Variants in TMEM64 observed in about 807,000 individuals in gnomAD.
TMEM64 encodes the protein transmembrane protein 64.
A neutral mutation model predicts 24.5 loss-of-function variants in TMEM64; 19 were observed. The observed-to-expected ratio is 0.78, with a 90% CI of 0.54 to 1.14. TMEM64 has a LOEUF of 1.14. Ranked by LOEUF, TMEM64 falls within the 50% of genes most tolerant of loss-of-function variation. The probability of loss-of-function intolerance (pLI) is 0.00; values close to 1 mark genes in which losing one functional copy is unlikely to be tolerated. For missense variants in TMEM64, 487 were observed against 493.0 expected (o/e 0.99, Z 0.12); for synonymous variants, 262 against 224.7 (o/e 1.17, Z -1.49).
chr8:90,635,203 A>C (rs1033196072), intron 1 of TMEM64, among the ~76,000 whole-genome samples: 11 of 152,244 alleles, frequency 7.2e-5, no homozygotes, highest in Admixed American at 7.2e-4. Context: ...ATAAAGGATG[A>C]AAATTAGTTG....
intron 1 of TMEM64, among the ~76,000 whole-genome samples, chr8:90,641,898 G>A (rs1001015195): frequency 2.0e-5 from 3 of 152,144 alleles, no homozygotes; most frequent in Non-Finnish European, 4.4e-5. Flanking sequence ...TCACAGCTTT[G>A]CAGCAGGTAT....
intron 2 of TMEM64, among the ~76,000 whole-genome samples, chr8:90,626,629 CTTTT>C (rs34029067): frequency 2.8e-5 from 3 of 105,814 alleles, no homozygotes; most frequent in Non-Finnish European, 3.7e-5. Context: ...TTTTTTCTTT[CTTTT>C]TTTTTTTTTT....
At chr8:90,643,920 T>C (rs534633764) in intron 1 of TMEM64, among the ~76,000 whole-genome samples, 8 of 152,308 alleles carry the variant, frequency 5.3e-5, no homozygotes, top group African/African-American at 1.4e-4. Flanking sequence ...CAAAAGGCAT[T>C]TAAAAGAAAA....
intron 1 of TMEM64, among the ~76,000 whole-genome samples, chr8:90,632,820 G>C (rs1303531842): frequency 1.3e-5 from 2 of 152,024 alleles, no homozygotes; most frequent in Non-Finnish European, 2.9e-5. Context: ...GAAATACCTG[G>C]CATATGAGTG....
chr8:90,625,992 C>A, intron 2 of TMEM64, 130 bp from the exon 3 acceptor site: 2 of 660,948 alleles, frequency 3.0e-6, no homozygotes. Flanking sequence ...AAGGGTTATA[C>A]ATTTTTAAAT....
Position 90,625,786 on chromosome 8 carries a change from C to T in TMEM64, c.1028G>A (p.Cys343Tyr). 1.2e-6 allele frequency: 2 copies of T among 1,613,946 alleles called. No individual in the cohort carries two copies. Among genetic ancestry groups the T allele is most frequent in the Non-Finnish European group, 1.7e-6 (2 of 1,179,932 alleles). Reference sequence around the variant, plus strand: ...CAGAGAAGATTTCAGTTCCATTTCACAAGCTACAATAGCTGCATTCAATTC... The same window carrying T: ...CAGAGAAGATTTCAGTTCCATTTCATAAGCTACAATAGCTGCATTCAATTC... ...QVELNAAIVA[C>Y]EMELKSSLVK... Residue 343 changes from cysteine to tyrosine, a missense_variant, in exon 3 of 3, where the codon TGT becomes TAT. This residue lies in a region of TMEM64 where 58 missense variants were observed against 58.2 expected (regional missense o/e 1.00). Coordinates refer to ENST00000458549, the MANE Select transcript of TMEM64 (RefSeq NM_001008495.4).
intron 1 of TMEM64, among the ~76,000 whole-genome samples, chr8:90,632,670 G>A (rs183819004): frequency 1.7e-4 from 26 of 152,198 alleles, no homozygotes; most frequent in African/African-American, 6.0e-4. Flanking sequence ...TGTTGCCCAG[G>A]TTGCTCTTGA....
chr8:90,628,770 A>G (rs1478246368), intron 2 of TMEM64, among the ~76,000 whole-genome samples: 1 of 152,226 alleles, frequency 6.6e-6, no homozygotes, highest in Non-Finnish European at 1.5e-5. Flanking sequence ...GAAGTTTTTG[A>G]GCACTAACAA....
At position 90,625,665 on chromosome 8, in the gene TMEM64, T is replaced by C; in HGVS notation, c.*6A>G. On this transcript the variant is annotated 3_prime_UTR_variant, in exon 3 of 3. Coordinates refer to ENST00000458549, the MANE Select transcript of TMEM64 (RefSeq NM_001008495.4). Reference sequence around the variant, plus strand: ...AGGCTCTTGACAATCACGTATCTCATTAGAATCATACAACATTGATTCCAC... The same window carrying C: ...AGGCTCTTGACAATCACGTATCTCACTAGAATCATACAACATTGATTCCAC... 6.2e-7 allele frequency: 1 copy of C among 1,612,128 alleles called. No homozygotes were observed. Among genetic ancestry groups the C allele is most frequent in the Non-Finnish European group, 8.5e-7 (1 of 1,178,654 alleles).
intron 1 of TMEM64, among the ~76,000 whole-genome samples, chr8:90,638,360 C>T (rs546178709): frequency 2.0e-4 from 31 of 152,298 alleles, no homozygotes; most frequent in Admixed American, 1.6e-3. Flanking sequence ...CATCCTTCTT[C>T]CCACTCCATT....
intron 2 of TMEM64, among the ~76,000 whole-genome samples, chr8:90,629,342 T>C (rs1213151425): frequency 6.6e-6 from 1 of 152,168 alleles, no homozygotes; most frequent in African/African-American, 2.4e-5. Context: ...AAAAGCATCA[T>C]GAACTTCATT....
At chr8:90,634,152 A>G (rs961630379) in intron 1 of TMEM64, among the ~76,000 whole-genome samples, 2 of 152,206 alleles carry the variant, frequency 1.3e-5, no homozygotes, top group East Asian at 1.9e-4. Flanking sequence ...TATTCAAATT[A>G]AAGGTGAGGA....
chr8:90,634,046 G>C (rs1433926582), intron 1 of TMEM64, among the ~76,000 whole-genome samples: 1 of 151,824 alleles, frequency 6.6e-6, no homozygotes. Flanking sequence ...TTTAGCTTTA[G>C]AAAGTGTTTT....
In TMEM64 at chr8:90,631,583, C is replaced by T. The variant is rs2031873854; in HGVS notation, c.920G>A (p.Ser307Asn). Residue 307 changes from serine to asparagine, a missense_variant, in exon 2 of 3, where the codon AGT (serine) becomes AAT (asparagine). Around this residue, in one of 3 missense-constraint regions of TMEM64, gnomAD observed 419 missense variants for 407.5 expected, o/e 1.03. Transcript: ENST00000458549. ...RTMEDVIAEQ[S>N]VSGYFVFCLQ... Reference sequence around the variant, plus strand: ...ACAAAAAACAAAATATCCACTAACACTCTGTTCTGCAATGACATCTTCCAT... The same window carrying T: ...ACAAAAAACAAAATATCCACTAACATTCTGTTCTGCAATGACATCTTCCAT... 1.2e-6 allele frequency: 2 copies of T among 1,610,146 alleles called. No homozygotes were observed. Among genetic ancestry groups the T allele is most frequent in the African/African-American group, 2.7e-5 (2 of 75,054 alleles).
chr8:90,625,702 G>A lies in TMEM64; in HGVS notation c.1112C>T (p.Thr371Ile), dbSNP rs1461125790. The A allele has an allele frequency of 1.9e-6, 3 of 1,613,638 alleles. No homozygotes were observed. Among genetic ancestry groups the A allele is most frequent in the African/African-American group, 2.7e-5 (2 of 74,890 alleles). Reference protein sequence around the residue: ...GSSFYNKRTLTFSGGGINVV With the variant: ...GSSFYNKRTLIFSGGGINVV The stretch of plus-strand genomic sequence containing the variant: ...AACATTGATTCCACCTCCAGAAAAT[G>A]TTAGGGTCCTCTTGTTGTAGAATGA... Residue 371 changes from threonine (T) to isoleucine (I), a missense_variant, in exon 3 of 3, where the codon ACA (threonine) becomes ATA (isoleucine). Transcript: ENST00000458549.
intron 1 of TMEM64, among the ~76,000 whole-genome samples, chr8:90,644,495 G>C (rs1169856033): frequency 1.3e-5 from 2 of 152,172 alleles, no homozygotes; most frequent in Non-Finnish European, 2.9e-5. Context: ...AAGATTATCT[G>C]TTCTGTTTTA....
Position 90,645,564 on chromosome 8 carries a change from G to C in TMEM64, c.342C>G (p.Leu114=). 6.5e-7 allele frequency: 1 copy of C among 1,545,394 alleles called. No individual in the cohort carries two copies. The highest frequency in any genetic ancestry group is 2.4e-5 in the East Asian group (1 of 40,896). ...AEVRNWRCCC[L]GSTCWCRSLV... ...GGCTCCGGCACCAACAGGTGCTGCCGAGGCAGCAGCAGCGCCAGTTTCTCA... is the reference window on the plus strand; with the variant it reads ...GGCTCCGGCACCAACAGGTGCTGCCCAGGCAGCAGCAGCGCCAGTTTCTCA... The change falls in exon 1 of 3, where the codon CTC becomes CTG. Residue 114 remains leucine, a synonymous_variant. Transcript: ENST00000458549. This position sits in a 1 kb window ranked among gnomAD's most constrained non-coding sequence, Gnocchi z 4.2.
chr8:90,633,156 G>A (rs1380741476), intron 1 of TMEM64, among the ~76,000 whole-genome samples: 1 of 152,178 alleles, frequency 6.6e-6, no homozygotes, highest in Non-Finnish European at 1.5e-5. Flanking sequence ...GCAGAAGTGA[G>A]GAGATGCCAC....
intron 1 of TMEM64, among the ~76,000 whole-genome samples, chr8:90,644,638 C>G (rs546502825): frequency 3.0e-4 from 46 of 152,274 alleles, no homozygotes; most frequent in African/African-American, 1.1e-3. Context: ...TAGCAAACTC[C>G]AAAATCTGGA....
Sources: allele counts gnomAD v4.1 joint callset (sites outside exome capture counted in the v4.1 genomes callset), GRCh38; gene constraint gnomAD v4.1.1; regional missense constraint gnomAD v4.1.1; non-coding constraint Gnocchi (gnomAD v3.1); transcripts MANE v1.5; gene names NCBI Gene and HGNC (gene_info 2026-07-23, HGNC 2026-07-21).